Variants in BRWD1 observed in about 807,000 individuals in gnomAD.
The protein encoded by BRWD1 is bromodomain and WD repeat-containing protein 1.
Under a neutral mutation model 251.2 loss-of-function variants are expected in BRWD1, and 82 were observed. The observed-to-expected ratio is 0.33, with a 90% CI of 0.27 to 0.39. The LOEUF (loss-of-function observed/expected upper bound fraction) is 0.39, where lower values mean the gene tolerates loss of function less well. BRWD1 is among the 10% of genes least tolerant of loss of function. The probability of loss-of-function intolerance (pLI) is 1.00; values close to 1 mark genes in which losing one functional copy is unlikely to be tolerated. For missense variants in BRWD1, 2,233 were observed against 2,711.6 expected (o/e 0.82, Z 3.92); for synonymous variants, 918 against 902.8 (o/e 1.02, Z -0.30).
chr21:39,193,449 C>T lies in BRWD1; in HGVS notation c.*2810G>A. On this transcript the variant is annotated 3_prime_UTR_variant, in exon 41 of 41. Transcript: ENST00000342449. ...ACGAAAAAAGAAAGCTTTGTTAACA[C>T]TCATCTATCTTGTCAATGTTTGAAA... 1.0e-6 allele frequency: 1 copy of T among 984,852 alleles called. No individual in the cohort carries two copies. Among genetic ancestry groups the T allele is most frequent in the African/African-American group, 1.7e-5 (1 of 57,334 alleles). The allele number at this position is 984,852 out of a possible 1,614,324, so 61.0% of individuals were successfully genotyped here.
At chr21:39,210,662 T>C in intron 35 of BRWD1, 124 bp downstream of exon 35, 1 of 1,134,526 alleles carries the variant, frequency 8.8e-7, no homozygotes, top group Non-Finnish European at 1.2e-6. Flanking sequence ...ACTAACTTAG[T>C]GATAGGAGCA....
chr21:39,277,422 T>A, intron 10 of BRWD1, 71 bp from the exon 11 acceptor site: 1 of 952,962 alleles, frequency 1.0e-6, no homozygotes, highest in Non-Finnish European at 1.5e-6. Context: ...ATTTCCATAT[T>A]AAAATATAAA....
Position 39,187,550 on chromosome 21 carries a change from A to T in BRWD1, c.*8709T>A. On this transcript the variant is annotated 3_prime_UTR_variant, in exon 41 of 41. Transcript: ENST00000342449. ...GTCATATTGCTAAATGATAAATTTT[A>T]AAATGTGATACTAAGGGCTTCTTCA... 1 of 1,396,290 alleles carries T rather than the reference A, an allele frequency of 7.2e-7. No individual in the cohort carries two copies. The highest frequency in any genetic ancestry group is 9.2e-7 in the Non-Finnish European group (1 of 1,081,610). 86.5% of individuals were successfully genotyped at this position (1,396,290 alleles called of 1,614,324 possible).
chr21:39,272,400 G>A (rs913966094), intron 13 of BRWD1, among the ~76,000 whole-genome samples: 12 of 150,616 alleles, frequency 8.0e-5, no homozygotes, highest in African/African-American at 2.9e-4. Flanking sequence ...TGTGGCGGGC[G>A]CCTGTAGTCT....
At chr21:39,317,221 T>G (rs1179468612), upstream of BRWD1, 1 of 152,206 alleles carries the variant, frequency 6.6e-6, no homozygotes, top group Non-Finnish European at 1.5e-5. Flanking sequence ...CAAGAATCTG[T>G]GTATTCCTCA....
intron 5 of BRWD1, chr21:39,297,182 C>T: frequency 1.0e-6 from 1 of 985,448 alleles, no homozygotes; most frequent in Non-Finnish European, 1.2e-6. Flanking sequence ...GAAGCAGTCA[C>T]ACTGTGCCAG....
chr21:39,265,116 C>T (rs1047763765), intron 15 of BRWD1, 97 bp from the exon 16 acceptor site: 2 of 1,209,228 alleles, frequency 1.7e-6, no homozygotes, highest in Non-Finnish European at 2.2e-6. Context: ...CAATATATCC[C>T]TTCTGAAAAA....
chr21:39,312,959 G>T (rs1440298372), intron 3 of BRWD1, 59 bp from the exon 4 acceptor site: 15 of 469,738 alleles, frequency 3.2e-5, no homozygotes, highest in African/African-American at 2.8e-4. Context: ...GGGGCGGGGG[G>T]CGGGGGGCCG....
chr21:39,238,529 C>G lies in BRWD1; in HGVS notation c.2526G>C (p.Glu842Asp). The G allele has an allele frequency of 6.2e-7, 1 of 1,613,730 alleles. No homozygotes were observed. Among genetic ancestry groups the G allele is most frequent in the Non-Finnish European group, 8.5e-7 (1 of 1,179,784 alleles). The change falls in exon 22 of 41, where the codon GAG (glutamate) becomes GAC (aspartate). Residue 842 changes from glutamate (E) to aspartate (D), a missense_variant. Physicochemically the swap from Glu to Asp is conservative, Grantham distance 45 (BLOSUM62 2). This residue lies in a region of BRWD1 where 214 missense variants were observed against 222.0 expected (regional missense o/e 0.96). Transcript: ENST00000342449. ...TTTTTCTGTCACTTCTCCATTCATCCTCTTCTGAAGAACCAGAACCTTCAC... is the reference window on the plus strand; with the variant it reads ...TTTTTCTGTCACTTCTCCATTCATCGTCTTCTGAAGAACCAGAACCTTCAC... Reference protein sequence around the residue: ...DQSEGSGSSEEDEWRSDRKSE... With the variant: ...DQSEGSGSSEDDEWRSDRKSE...
chr21:39,270,408 AC>A lies in BRWD1; in HGVS notation c.1269del (p.Arg423SerfsTer3). The part of the protein sequence containing the change: ...ISGDLSSEEE[R>X]FMKPKVTMIA... ...ATCATTGTTACTTTAGGTTTCATAA[AC>A]CTTTCCTCTTCGGAAGATAAGTCCC... is the stretch of plus-strand genomic sequence containing the variant. On this transcript the variant is annotated frameshift_variant, in exon 14 of 41. Coordinates refer to ENST00000342449, the MANE Select transcript of BRWD1 (RefSeq NM_033656.4). LOFTEE classifies it high-confidence loss of function. 6.2e-7 allele frequency: 1 copy of A among 1,609,362 alleles called. No individual in the cohort carries two copies. The highest frequency in any genetic ancestry group is 8.5e-7 in the Non-Finnish European group (1 of 1,178,428).
chr21:39,302,586 A>G (rs1261891272), intron 4 of BRWD1, among the ~76,000 whole-genome samples: 2 of 151,746 alleles, frequency 1.3e-5, no homozygotes, highest in Non-Finnish European at 2.9e-5. Flanking sequence ...GTGAAACCCC[A>G]CCTCTACTAA....
At chr21:39,310,679 G>A (rs2036452378) in intron 4 of BRWD1, among the ~76,000 whole-genome samples, 1 of 152,146 alleles carries the variant, frequency 6.6e-6, no homozygotes. Context: ...GTGTACATCT[G>A]AAATACTTCT....
upstream of BRWD1, among the ~76,000 whole-genome samples, chr21:39,316,229 G>A (rs1031112652): frequency 6.6e-6 from 1 of 152,162 alleles, no homozygotes; most frequent in African/African-American, 2.4e-5. Flanking sequence ...AAGTATGTAG[G>A]ACAGTAAATC....
chr21:39,315,463 G>A (rs2036682373), upstream of BRWD1, among the ~76,000 whole-genome samples: 1 of 151,852 alleles, frequency 6.6e-6, no homozygotes, highest in Non-Finnish European at 1.5e-5. Context: ...TGAAACCCCC[G>A]TCTCTACTAA....
At position 39,247,847 on chromosome 21, in the gene BRWD1, A is replaced by C; in HGVS notation, c.2350-15T>G. On this transcript the variant is annotated splice_polypyrimidine_tract_variant and intron_variant, in intron 20 of 40. Coordinates refer to ENST00000342449, the MANE Select transcript of BRWD1 (RefSeq NM_033656.4). Reference sequence around the variant, plus strand: ...ACTGAATCCGACTGAAACACAGAAAAACATGCGAATGAAAATCAACACCTA... The same window carrying C: ...ACTGAATCCGACTGAAACACAGAAACACATGCGAATGAAAATCAACACCTA... The C allele has an allele frequency of 6.3e-7, 1 of 1,584,448 alleles. No homozygotes were observed.
intron 15 of BRWD1, 136 bp from the exon 16 acceptor site, chr21:39,265,155 G>T: frequency 3.2e-6 from 3 of 936,776 alleles, no homozygotes; most frequent in Non-Finnish European, 3.1e-6. Context: ...CAGGCATGGT[G>T]GCTCATACCT....
chr21:39,237,901 A>C (rs2033865104), intron 22 of BRWD1, among the ~76,000 whole-genome samples: 1 of 152,244 alleles, frequency 6.6e-6, no homozygotes, highest in Non-Finnish European at 1.5e-5. Context: ...AAGTAAAACA[A>C]GACAAGAAAG....
rs1463444121 is a variant in BRWD1 at position 39,188,250 on chromosome 21, G to A, written c.*8009C>T. The A allele has an allele frequency of 4.1e-6, 4 of 985,230 alleles. No individual in the cohort carries two copies. Among genetic ancestry groups the A allele is most frequent in the African/African-American group, 3.5e-5 (2 of 57,186 alleles). 61.0% of individuals were successfully genotyped at this position (985,230 alleles called of 1,614,324 possible). A position where few individuals can be genotyped will look rare whatever the true frequency, so the allele number is the denominator to read the frequency against. ...TAGGTCTTTCTTGCAGCCATGAACA[G>A]TCAAACTATCTAAAACTGCCTTCAT... On this transcript the variant is annotated 3_prime_UTR_variant, in exon 41 of 41. Coordinates refer to ENST00000342449, the MANE Select transcript of BRWD1 (RefSeq NM_033656.4).
In BRWD1 at chr21:39,247,403, A is replaced by T. The variant is rs545379901; in HGVS notation, c.2481+298T>A. Among the ~76,000 whole-genome samples, 47 of 152,338 alleles carry T rather than the reference A, an allele frequency of 3.1e-4. No individual in the cohort carries two copies. The South Asian group carries it at 9.1e-3, about 30-fold the overall frequency. On this transcript the variant is annotated intron_variant, in intron 21 of 40. Coordinates refer to ENST00000342449, the MANE Select transcript of BRWD1 (RefSeq NM_033656.4). ...TGAGCATGCCAAATCCAAAAATCCA[A>T]AATCTGAAATGCACACTAGAACATC...
Sources: allele counts gnomAD v4.1 joint callset (sites outside exome capture counted in the v4.1 genomes callset), GRCh38; gene constraint gnomAD v4.1.1; regional missense constraint gnomAD v4.1.1; transcripts MANE v1.5; gene names NCBI Gene and HGNC (gene_info 2026-07-23, HGNC 2026-07-21).